PTPRT: variants seen among roughly 807,000 people sequenced by gnomAD.
The protein encoded by PTPRT is protein tyrosine phosphatase receptor type T.
A neutral mutation model predicts 176.8 loss-of-function variants in PTPRT; 56 were observed. That is an observed-to-expected ratio of 0.32 (90% confidence interval 0.26 to 0.40). The LOEUF (loss-of-function observed/expected upper bound fraction) is 0.40, where lower values mean the gene tolerates loss of function less well. PTPRT is among the 10% of genes least tolerant of loss of function. PTPRT has a pLI of 1.00. For missense variants in PTPRT, 1,540 were observed against 1,908.2 expected (o/e 0.81, Z 3.60); for synonymous variants, 783 against 739.0 (o/e 1.06, Z -0.96).
intron 2 of PTPRT, among the ~76,000 whole-genome samples, chr20:42,794,410 C>T (rs1013080627): frequency 3.9e-5 from 6 of 152,196 alleles, no homozygotes; most frequent in African/African-American, 1.4e-4. Flanking sequence ...AAGAATCTCA[C>T]ATCCACCCCC....
chr20:42,222,962 C>A (rs1362139298), intron 15 of PTPRT, among the ~76,000 whole-genome samples: 1 of 152,164 alleles, frequency 6.6e-6, no homozygotes, highest in Admixed American at 6.5e-5. Context: ...TGGGATCTGA[C>A]ACTATCTCCA....
At position 42,677,780 on chromosome 20, in the gene PTPRT, A is replaced by AG. The variant is rs950354086; in HGVS notation, c.1153+85_1153+86insC. ...TCACATTCAAAGAAAATTCGGAATTATCTGTCACAGGAAGGCAAGAGGAAA... is the reference window on the plus strand; with the variant it reads ...TCACATTCAAAGAAAATTCGGAATTAGTCTGTCACAGGAAGGCAAGAGGAAA... On this transcript the variant is annotated intron_variant, in intron 7 of 30. Transcript: ENST00000373187. 1.3e-5 allele frequency: 19 copies of AG among 1,436,360 alleles called. No homozygotes were observed. In the African/African-American group the frequency reaches 2.4e-4, roughly 18 times the overall value. The allele number at this position is 1,436,360 out of a possible 1,614,324, so 89.0% of individuals were successfully genotyped here.
At chr20:42,972,404 G>A (rs1600609240) in intron 1 of PTPRT, among the ~76,000 whole-genome samples, 1 of 151,700 alleles carries the variant, frequency 6.6e-6, no homozygotes, top group African/African-American at 2.4e-5. Context: ...GCTCATGCCT[G>A]TAATGCCAAC....
intron 3 of PTPRT, among the ~76,000 whole-genome samples, chr20:42,782,698 C>A (rs1042392312): frequency 6.6e-6 from 1 of 152,038 alleles, no homozygotes; most frequent in Non-Finnish European, 1.5e-5. Flanking sequence ...AGAATGACTG[C>A]ACAACATTAA....
chr20:42,698,023 G>A (rs528320873), intron 6 of PTPRT, among the ~76,000 whole-genome samples: 1 of 152,098 alleles, frequency 6.6e-6, no homozygotes, highest in Non-Finnish European at 1.5e-5. Flanking sequence ...ATCTCTAATC[G>A]TATCATTCCT....
At chr20:42,161,804 T>TC (rs1989614780) in intron 16 of PTPRT, among the ~76,000 whole-genome samples, 1 of 152,082 alleles carries the variant, frequency 6.6e-6, no homozygotes. Context: ...TTGTTCATCA[T>TC]CCCCGTCTGT....
At chr20:42,175,254 A>G (rs1259530166) in intron 16 of PTPRT, among the ~76,000 whole-genome samples, 1 of 152,126 alleles carries the variant, frequency 6.6e-6, no homozygotes, top group Non-Finnish European at 1.5e-5. Flanking sequence ...TGATTGGTCT[A>G]GCTCTCACCA....
chr20:42,266,646 C>T (rs1001839690), intron 13 of PTPRT, among the ~76,000 whole-genome samples: 3 of 152,202 alleles, frequency 2.0e-5, no homozygotes, highest in South Asian at 2.1e-4. Flanking sequence ...TATAGCCCCT[C>T]GCACCCAGCT....
Position 42,692,943 on chromosome 20 carries a change from C to A in PTPRT, c.860-14784G>T, listed in dbSNP as rs577027554. Among the ~76,000 whole-genome samples, 23 of 152,168 alleles carry A rather than the reference C, an allele frequency of 1.5e-4. No homozygotes were observed. In the South Asian group the frequency reaches 4.6e-3, roughly 30 times the overall value. ...GGAAGAAACATGATGAAACTAGGTA[C>A]CACAATAATTTACACCTTGATTTGG... On this transcript the variant is annotated intron_variant, in intron 6 of 30. Coordinates refer to ENST00000373187, the MANE Select transcript of PTPRT (RefSeq NM_007050.6).
chr20:42,924,979 C>T (rs1033930926), intron 1 of PTPRT, among the ~76,000 whole-genome samples: 1 of 152,256 alleles, frequency 6.6e-6, no homozygotes, highest in Admixed American at 6.5e-5. Flanking sequence ...ATGCAGGTGG[C>T]GCATTGTCCA....
intron 11 of PTPRT, among the ~76,000 whole-genome samples, chr20:42,318,873 G>T (rs1018867244): frequency 2.0e-5 from 3 of 152,098 alleles, no homozygotes; most frequent in East Asian, 1.9e-4. Flanking sequence ...CCCCCTCCAA[G>T]AATCAGTTCC....
chr20:42,898,859 G>A (rs1296011647), intron 1 of PTPRT, among the ~76,000 whole-genome samples: 1 of 152,186 alleles, frequency 6.6e-6, no homozygotes, highest in African/African-American at 2.4e-5. Context: ...CTGCCGAGGA[G>A]AGGCTGAGAG....
At chr20:42,099,542 TGGGCG>T (rs1985668819) in intron 26 of PTPRT, among the ~76,000 whole-genome samples, 5 of 8,716 alleles carry the variant, frequency 5.7e-4, no homozygotes, top group African/African-American at 4.4e-3. Flanking sequence ...GAAAATGGCC[TGGGCG>T]GGGGGGGGGG....
At chr20:42,429,956 C>T (rs560260120) in intron 9 of PTPRT, among the ~76,000 whole-genome samples, 142 of 152,228 alleles carry the variant, frequency 9.3e-4, no homozygotes, top group African/African-American at 3.2e-3. Flanking sequence ...TGGGCAAGCC[C>T]GCAAGGGCTG....
At chr20:42,866,014 C>T (rs2078740192) in intron 2 of PTPRT, among the ~76,000 whole-genome samples, 1 of 152,204 alleles carries the variant, frequency 6.6e-6, no homozygotes, top group Admixed American at 6.5e-5. Flanking sequence ...TTCCCAAACA[C>T]CCAGTGGTTC....
At chr20:42,198,084 A>T (rs1312922159) in intron 16 of PTPRT, among the ~76,000 whole-genome samples, 2 of 152,152 alleles carry the variant, frequency 1.3e-5, no homozygotes, top group Admixed American at 6.5e-5. Flanking sequence ...GGATGTGTTG[A>T]AAACCTCCCC....
chr20:42,681,664 C>T (rs1355369487), intron 6 of PTPRT, among the ~76,000 whole-genome samples: 1 of 152,160 alleles, frequency 6.6e-6, no homozygotes, highest in Non-Finnish European at 1.5e-5. Flanking sequence ...ACAATCTTGG[C>T]TGCATGGAGC....
chr20:42,929,425 G>T (rs182057069), intron 1 of PTPRT, among the ~76,000 whole-genome samples: 1 of 152,244 alleles, frequency 6.6e-6, no homozygotes, highest in East Asian at 1.9e-4. Flanking sequence ...AAGGACAGAG[G>T]TGTATAAATA....
chr20:42,766,087 T>C (rs1188259960), intron 5 of PTPRT, among the ~76,000 whole-genome samples: 2 of 152,260 alleles, frequency 1.3e-5, no homozygotes, highest in Admixed American at 1.3e-4. Flanking sequence ...GCTACACTTA[T>C]AATTATGTTG....
Sources: gnomAD v4.1 joint callset for allele counts (sites outside exome capture counted in the v4.1 genomes callset) on GRCh38, gnomAD v4.1.1 for gene constraint, MANE v1.5 for transcripts, NCBI Gene and HGNC (gene_info 2026-07-23, HGNC 2026-07-21) for gene names.